The following NSMCE4A variants were observed in gnomAD, a reference collection of about 807,000 sequenced individuals.
The protein encoded by NSMCE4A is non-structural maintenance of chromosomes element 4 homolog A.
In NSMCE4A, 40 loss-of-function variants were observed where a neutral mutation model predicts 47.9. The observed-to-expected ratio is 0.83, with a 90% CI of 0.65 to 1.09. The LOEUF is 1.09. Among genes scored for constraint, NSMCE4A ranks in the 50% least tolerant of loss-of-function variants. The pLI is 0.00. For missense variants in NSMCE4A, 500 were observed against 507.0 expected, an observed-to-expected ratio of 0.99 and a Z score of 0.13; for synonymous variants, 166 against 178.5, an observed-to-expected ratio of 0.93 and a Z score of 0.56.
chr10:121,964,528 C>T (rs1475767047), intron 5 of NSMCE4A, among the ~76,000 whole-genome samples: 1 of 152,138 alleles, frequency 6.6e-6, no homozygotes, highest in Non-Finnish European at 1.5e-5. Flanking sequence ...AGTGCAACCT[C>T]TGCCTCCTAG....
intron 2 of NSMCE4A, among the ~76,000 whole-genome samples, chr10:121,973,229 CT>C (rs1952750096): frequency 8.5e-6 from 1 of 117,428 alleles, no homozygotes; most frequent in African/African-American, 3.6e-5. Context: ...GAGACTCCAT[CT>C]CAAACCTCAA....
At chr10:121,965,153 A>T (rs1383433430) in intron 5 of NSMCE4A, 133 bp downstream of exon 5, 26 of 615,066 alleles carry the variant, frequency 4.2e-5, no homozygotes, top group Non-Finnish European at 7.6e-5. Context: ...GCTTAAATAA[A>T]ATGATTATTT....
chr10:121,962,109 TAA>T (rs71022875), intron 6 of NSMCE4A: 66,777 of 290,264 alleles, frequency 0.23, 716 homozygotes, highest in South Asian at 0.3. Context: ...GACTGTCTCC[TAA>T]AAAAAAAAAA....
At chr10:121,968,557 C>G (rs914220768) in intron 3 of NSMCE4A, among the ~76,000 whole-genome samples, 6 of 152,024 alleles carry the variant, frequency 3.9e-5, no homozygotes, top group Non-Finnish European at 7.4e-5. Flanking sequence ...CTTAAAATTG[C>G]CTTCCTGGGA....
At chr10:121,958,958 G>A (rs1487389059) in intron 10 of NSMCE4A, among the ~76,000 whole-genome samples, 2 of 152,092 alleles carry the variant, frequency 1.3e-5, no homozygotes, top group Admixed American at 6.6e-5. Flanking sequence ...GGGATTACAG[G>A]TGCATGCCAC....
At chr10:121,974,315 A>C in intron 1 of NSMCE4A, 5 of 1,310,342 alleles carry the variant, frequency 3.8e-6, no homozygotes, top group East Asian at 3.0e-5. Context: ...CCTTAACCCA[A>C]AGGGCTGGAC....
chr10:121,970,832 A>G (rs1952693966), intron 3 of NSMCE4A, 107 bp downstream of exon 3: 1 of 1,056,782 alleles, frequency 9.5e-7, no homozygotes, highest in South Asian at 2.1e-5. Context: ...TCTGAGACCA[A>G]AAAAGAAGAA....
At chr10:121,963,710 C>G (rs1590780860) in intron 5 of NSMCE4A, among the ~76,000 whole-genome samples, 1 of 151,994 alleles carries the variant, frequency 6.6e-6, no homozygotes, top group South Asian at 2.1e-4. Flanking sequence ...GAAACCCCAT[C>G]TCTACTAAAA....
chr10:121,959,824 C>T (rs1952466246), intron 8 of NSMCE4A: 1 of 550,708 alleles, frequency 1.8e-6, no homozygotes, highest in Admixed American at 3.2e-5. Context: ...TAACACATTC[C>T]AGACATTTGA....
chr10:121,965,252 T>G (rs4752626), intron 5 of NSMCE4A, 34 bp downstream of exon 5: 1,416,934 of 1,439,404 alleles, frequency 0.98, 699,848 homozygotes, highest in East Asian at 1. Context: ...TTAACTTTAA[T>G]GTGTTTTTTT....
In NSMCE4A at chr10:121,967,617, C is replaced by G. The variant is rs78305334; in HGVS notation, c.653+38G>C. 1.7e-4 allele frequency: 265 copies of G among 1,589,528 alleles called. 3 individuals carry two copies. In the East Asian group the frequency reaches 5.8e-3, roughly 35 times the overall value. Reference sequence around the variant, plus strand: ...ACAAGAAAAAGCAATTTAAGGTTCACAAATAACTGGTCTGTTGGATTTTTA... The same window carrying G: ...ACAAGAAAAAGCAATTTAAGGTTCAGAAATAACTGGTCTGTTGGATTTTTA... On this transcript the variant is annotated intron_variant, in intron 4 of 10. Coordinates refer to ENST00000369023, the MANE Select transcript of NSMCE4A (RefSeq NM_017615.3).
intron 2 of NSMCE4A, among the ~76,000 whole-genome samples, chr10:121,973,597 G>T (rs961507055): frequency 9.2e-5 from 14 of 152,186 alleles, no homozygotes; most frequent in Non-Finnish European, 1.8e-4. Flanking sequence ...CAATAGCAGG[G>T]AGCTGAGGAA....
intron 6 of NSMCE4A, chr10:121,962,199 A>C (rs1952514390): frequency 3.2e-6 from 1 of 308,158 alleles, no homozygotes; most frequent in Non-Finnish European, 6.2e-6. Flanking sequence ...TGGGTGGATC[A>C]CAAGGTCAGG....
chr10:121,963,392 T>G, intron 5 of NSMCE4A, 64 bp from the exon 6 acceptor site: 1 of 882,028 alleles, frequency 1.1e-6, no homozygotes, highest in South Asian at 1.4e-5. Context: ...TTCTTCTCTC[T>G]TGCACACCCA....
intron 3 of NSMCE4A, 64 bp downstream of exon 3, chr10:121,970,875 A>T: frequency 7.2e-7 from 1 of 1,382,254 alleles, no homozygotes; most frequent in Non-Finnish European, 9.8e-7. Context: ...GGATATGAGC[A>T]CAGTAAATAA....
rs144199478 is a variant in NSMCE4A at position 121,967,494 on chromosome 10, G to A, written c.653+161C>T. 3.3e-4 allele frequency: 232 copies of A among 711,200 alleles called. 1 individual carries two copies. The African/African-American group carries it at 3.6e-3, about 11-fold the overall frequency. The allele number at this position is 711,200 out of a possible 1,614,324, so 44.1% of individuals were successfully genotyped here. A position where few individuals can be genotyped will look rare whatever the true frequency, so the allele number is the denominator to read the frequency against. Reference sequence around the variant, plus strand: ...ATTACAGGCATGAGCCACCACACCCGGCCTAGTGTTTATGAACTTTCATAT... The same window carrying A: ...ATTACAGGCATGAGCCACCACACCCAGCCTAGTGTTTATGAACTTTCATAT... On this transcript the variant is annotated intron_variant, in intron 4 of 10. Transcript: ENST00000369023.
In NSMCE4A at chr10:121,967,661, T is replaced by G; in HGVS notation, c.647A>C (p.His216Pro). 6.2e-7 allele frequency: 1 copy of G among 1,603,372 alleles called. No homozygotes were observed. Among genetic ancestry groups the G allele is most frequent in the Non-Finnish European group, 8.5e-7 (1 of 1,177,708 alleles). ...ATTTTTAAAATAATCTTACAGAAAG[T>G]GGAATGTATGGGTTTTATTAAAGGT... ...ENTFNKTHTF[H>P]FLLGSIYGEC... is the part of the protein sequence containing the mutation. The change falls in exon 4 of 11, where the codon CAC becomes CCC. Residue 216 changes from histidine (H) to proline (P), a missense_variant. Transcript: ENST00000369023.
chr10:121,958,229 CA>C (rs1296590746), intron 10 of NSMCE4A, among the ~76,000 whole-genome samples: 1 of 148,768 alleles, frequency 6.7e-6, no homozygotes, highest in Non-Finnish European at 1.5e-5. Context: ...GACTCTGTCT[CA>C]AAAAAAAAGA....
chr10:121,974,221 A>C, intron 1 of NSMCE4A, 140 bp from the exon 2 acceptor site: 1 of 1,390,584 alleles, frequency 7.2e-7, no homozygotes, highest in Non-Finnish European at 9.6e-7. Context: ...TTATCTTTTT[A>C]ACCAAAATGA....
Sources: gnomAD v4.1 joint callset for allele counts (sites outside exome capture counted in the v4.1 genomes callset) on GRCh38, gnomAD v4.1.1 for gene constraint, MANE v1.5 for transcripts, NCBI Gene and HGNC (gene_info 2026-07-23, HGNC 2026-07-21) for gene names.